Variants in ACOT8 observed in about 807,000 individuals in gnomAD.
The protein encoded by ACOT8 is acyl-coenzyme A thioesterase 8.
ACOT8 carries 31 observed loss-of-function variants against 38.4 expected under a neutral mutation model. The observed-to-expected ratio is 0.81, with a 90% CI of 0.61 to 1.09. ACOT8 has a LOEUF of 1.09. ACOT8 is among the 50% of genes least tolerant of loss of function. The probability of loss-of-function intolerance (pLI) is 0.00; values close to 1 mark genes in which losing one functional copy is unlikely to be tolerated. For missense variants in ACOT8, 373 were observed against 421.8 expected, an observed-to-expected ratio of 0.88 and a Z score of 1.01; for synonymous variants, 158 against 170.3, an observed-to-expected ratio of 0.93 and a Z score of 0.56.
intron 3 of ACOT8, among the ~76,000 whole-genome samples, chr20:45,845,934 C>T (rs190436317): frequency 1.8e-3 from 266 of 151,606 alleles, no homozygotes; most frequent in Middle Eastern, 0.014. Flanking sequence ...TGGGTCCAAG[C>T]GACTCTCCTG....
At chr20:45,844,780 A>G (rs1289013548) in intron 3 of ACOT8, among the ~76,000 whole-genome samples, 2 of 152,244 alleles carry the variant, frequency 1.3e-5, no homozygotes, top group African/African-American at 4.8e-5. Context: ...TACATACAAT[A>G]GTATTCCTCA....
intron 2 of ACOT8, among the ~76,000 whole-genome samples, chr20:45,851,134 C>T (rs752630720): frequency 6.6e-6 from 1 of 152,124 alleles, no homozygotes; most frequent in South Asian, 2.1e-4. Context: ...CAACCAGGCA[C>T]CAGGGCTCAA....
At position 45,844,242 on chromosome 20, in the gene ACOT8, C is replaced by T; in HGVS notation, c.646+21G>A. ...AGACCCCTTGGAGAGTGGTTTCCTCCCATCCATGGGGTACTCTTACCAATA... is the reference window on the plus strand; with the variant it reads ...AGACCCCTTGGAGAGTGGTTTCCTCTCATCCATGGGGTACTCTTACCAATA... On this transcript the variant is annotated intron_variant, in intron 4 of 5. Transcript: ENST00000217455. 4 of 1,614,108 alleles carry T rather than the reference C, an allele frequency of 2.5e-6. No homozygotes were observed. In the South Asian group the frequency reaches 4.4e-5, roughly 18 times the overall value.
intron 4 of ACOT8, chr20:45,844,048 T>G: frequency 1.2e-6 from 1 of 819,242 alleles, no homozygotes; most frequent in Non-Finnish European, 1.9e-6. Flanking sequence ...CCTTTTGCCT[T>G]CCTCAGAAAG....
At position 45,841,783 on chromosome 20, in the gene ACOT8, G is replaced by A. The variant is rs1245098305; in HGVS notation, c.*55C>T. ...AAAAGGGACTGTAACTCCTGTCTCA[G>A]GAATGGGGATAGATGGGAGGTTCTT... On this transcript the variant is annotated 3_prime_UTR_variant, in exon 6 of 6. Coordinates refer to ENST00000217455, the MANE Select transcript of ACOT8 (RefSeq NM_005469.4). The A allele has an allele frequency of 6.6e-7, 1 of 1,523,496 alleles. No homozygotes were observed. The highest frequency in any genetic ancestry group is 8.7e-7 in the Non-Finnish European group (1 of 1,143,000). 94.4% of individuals were successfully genotyped at this position (1,523,496 alleles called of 1,614,324 possible).
At chr20:45,853,897 T>C (rs928584096) in intron 2 of ACOT8, 1 of 1,296,410 alleles carries the variant, frequency 7.7e-7, no homozygotes. Context: ...GGAAACCCCA[T>C]GGTTTTCTTA....
At position 45,841,847 on chromosome 20, in the gene ACOT8, G is replaced by A; in HGVS notation, c.951C>T (p.Ser317=). 2 of 1,604,288 alleles carry A rather than the reference G, an allele frequency of 1.2e-6. No homozygotes were observed. Among genetic ancestry groups the A allele is most frequent in the Non-Finnish European group, 1.7e-6 (2 of 1,176,908 alleles). Residue 317 remains serine (S), a synonymous_variant, in exon 6 of 6, where the codon AGC becomes AGT. Transcript: ENST00000217455. The part of the protein sequence containing the change: ...VIRVKPQVSE[S]KL ...AAGCTGGTACCTCTGGCTACAGCTT[G>A]CTCTCTGAGACCTGGGGCTTCACTC...
intron 2 of ACOT8, among the ~76,000 whole-genome samples, chr20:45,853,032 G>A (rs891733092): frequency 3.3e-5 from 5 of 152,224 alleles, no homozygotes; most frequent in Non-Finnish European, 7.3e-5. Context: ...GCTTCCCAAA[G>A]TGCTAGGATT....
At position 45,857,317 on chromosome 20, in the gene ACOT8, T is replaced by C. The variant is rs1365257364; in HGVS notation, c.-2A>G. On this transcript the variant is annotated 5_prime_UTR_variant, in exon 1 of 6. The change abolishes the stop of an existing upstream ORF in the 5' untranslated region. Coordinates refer to ENST00000217455, the MANE Select transcript of ACOT8 (RefSeq NM_005469.4). ...TTCTGGGGCCTGCGGGGACGACATCTAGTTCAATGCTGCAGGCCCTGCACA... is the reference window on the plus strand; with the variant it reads ...TTCTGGGGCCTGCGGGGACGACATCCAGTTCAATGCTGCAGGCCCTGCACA... 1.2e-6 allele frequency: 2 copies of C among 1,600,868 alleles called. No homozygotes were observed. Among genetic ancestry groups the C allele is most frequent in the Admixed American group, 3.5e-5 (2 of 57,776 alleles).
chr20:45,854,951 C>T (rs114264656), intron 2 of ACOT8, among the ~76,000 whole-genome samples: 2,994 of 152,270 alleles, frequency 0.02, 108 homozygotes, highest in African/African-American at 0.069. Flanking sequence ...ACATCAGGTA[C>T]CCAGTGAGTC....
chr20:45,842,214 GC>G, intron 5 of ACOT8: 1 of 1,454,208 alleles, frequency 6.9e-7, no homozygotes, highest in Non-Finnish European at 9.0e-7. Flanking sequence ...GAGTGTCGTG[GC>G]TGCTCCAAAT....
At chr20:45,847,879 T>G (rs1409827037) in intron 3 of ACOT8, 1 of 150,944 alleles carries the variant, frequency 6.6e-6, no homozygotes, top group African/African-American at 2.4e-5. Context: ...CAGGCTCAAG[T>G]GATCCCCCCG....
chr20:45,848,987 TG>T (rs2145768292), intron 2 of ACOT8: 1 of 292,168 alleles, frequency 3.4e-6, no homozygotes, highest in Non-Finnish European at 6.3e-6. Flanking sequence ...ATTTGCAAAC[TG>T]GGGATCATCA....
chr20:45,847,028 C>T (rs1422459525), intron 3 of ACOT8, among the ~76,000 whole-genome samples: 4 of 151,856 alleles, frequency 2.6e-5, no homozygotes, highest in African/African-American at 4.8e-5. Flanking sequence ...GTCAACATAG[C>T]GAAACCTGGT....
chr20:45,853,869 T>C (rs1299006181), intron 2 of ACOT8: 2 of 1,232,694 alleles, frequency 1.6e-6, no homozygotes, highest in African/African-American at 3.1e-5. Flanking sequence ...ATAACTTTCA[T>C]ATTTACAAAA....
intron 2 of ACOT8, among the ~76,000 whole-genome samples, chr20:45,854,230 T>TGGAGTGCTC (rs1985254025): frequency 6.7e-6 from 1 of 150,236 alleles, no homozygotes; most frequent in African/African-American, 2.4e-5. Flanking sequence ...CTCGCTCTGT[T>TGGAGTGCTC]GCCCAGGCTG....
intron 2 of ACOT8, among the ~76,000 whole-genome samples, chr20:45,854,214 CAG>C (rs1236931218): frequency 3.9e-5 from 6 of 152,070 alleles, no homozygotes; most frequent in Non-Finnish European, 8.8e-5. Context: ...GTTTTTGAGA[CAG>C]AGTCTCGCTC....
At chr20:45,843,280 G>C in intron 5 of ACOT8, 1 of 683,870 alleles carries the variant, frequency 1.5e-6, no homozygotes, top group Admixed American at 2.1e-5. Flanking sequence ...AACTGGTTTT[G>C]GGACTAGAAC....
At chr20:45,853,523 C>T (rs1213282020) in intron 2 of ACOT8, 1 of 161,478 alleles carries the variant, frequency 6.2e-6, no homozygotes, top group African/African-American at 2.4e-5. Context: ...AGATACTTTA[C>T]TGGCAAAGAC....
Sources: allele counts gnomAD v4.1 joint callset (sites outside exome capture counted in the v4.1 genomes callset), GRCh38; gene constraint gnomAD v4.1.1; transcripts MANE v1.5; gene names NCBI Gene and HGNC (gene_info 2026-07-23, HGNC 2026-07-21).